Variants in NRXN3 observed in about 807,000 individuals in gnomAD.
The protein encoded by NRXN3 is neurexin 3.
In NRXN3, 32 loss-of-function variants were observed where a neutral mutation model predicts 137.6. That is an observed-to-expected ratio of 0.23 (90% CI 0.18 to 0.31). NRXN3 has a LOEUF of 0.31. Among genes scored for constraint, NRXN3 ranks in the 10% least tolerant of loss-of-function variants. NRXN3 has a pLI of 1.00. For missense variants in NRXN3, 1,574 were observed against 2,062.5 expected (o/e 0.76, Z 4.59); for synonymous variants, 798 against 784.5 (o/e 1.02, Z -0.29).
At chr14:78,369,099 A>G (rs1209858663) in intron 4 of NRXN3, among the ~76,000 whole-genome samples, 2 of 152,156 alleles carry the variant, frequency 1.3e-5, no homozygotes, top group Non-Finnish European at 2.9e-5. Flanking sequence ...ATGGGCATCT[A>G]AATTTATCTA....
intron 8 of NRXN3, among the ~76,000 whole-genome samples, chr14:78,774,488 A>G (rs1246296989): frequency 6.6e-6 from 1 of 152,168 alleles, no homozygotes; most frequent in Admixed American, 6.5e-5. Flanking sequence ...CATGCTACAA[A>G]TTTCTATTAT....
intron 10 of NRXN3, among the ~76,000 whole-genome samples, chr14:78,923,888 A>G (rs930986955): frequency 1.3e-5 from 2 of 152,188 alleles, no homozygotes; most frequent in Non-Finnish European, 2.9e-5. Context: ...TCTTCAACCC[A>G]TTGATAATCT....
At chr14:79,734,544 TTGTA>T (rs1254459849) in intron 19 of NRXN3, among the ~76,000 whole-genome samples, 13 of 152,350 alleles carry the variant, frequency 8.5e-5, no homozygotes, top group South Asian at 4.1e-4. Context: ...GTTTCAATAA[TTGTA>T]TATTATTTTG....
chr14:78,702,702 C>G (rs1029232626), intron 6 of NRXN3, among the ~76,000 whole-genome samples: 2 of 152,008 alleles, frequency 1.3e-5, no homozygotes, highest in Admixed American at 1.3e-4. Context: ...ACTTGGCCTC[C>G]CAAAGTTCTG....
intron 16 of NRXN3, among the ~76,000 whole-genome samples, chr14:79,524,023 C>A (rs1050846590): frequency 6.6e-6 from 1 of 152,170 alleles, no homozygotes; most frequent in African/African-American, 2.4e-5. Flanking sequence ...AGGAAGCATA[C>A]CCTGTTTAGC....
chr14:78,400,025 A>G (rs1445144188), intron 4 of NRXN3, among the ~76,000 whole-genome samples: 1 of 152,218 alleles, frequency 6.6e-6, no homozygotes, highest in Non-Finnish European at 1.5e-5. Flanking sequence ...AACAGAAAAT[A>G]AATAATTGAC....
At chr14:79,358,662 A>T (rs564292924) in intron 15 of NRXN3, among the ~76,000 whole-genome samples, 5 of 150,716 alleles carry the variant, frequency 3.3e-5, no homozygotes, top group African/African-American at 1.2e-4. Flanking sequence ...AGAAAGAAAG[A>T]AAGAAAGTGT....
chr14:78,817,298 G>A (rs912759323), intron 10 of NRXN3, among the ~76,000 whole-genome samples: 2 of 152,152 alleles, frequency 1.3e-5, no homozygotes, highest in African/African-American at 2.4e-5. Flanking sequence ...AAGGGAATGG[G>A]ATCTAGCACC....
intron 20 of NRXN3, among the ~76,000 whole-genome samples, chr14:79,836,516 G>GA (rs35253204): frequency 0.12 from 18,937 of 152,066 alleles, 1,416 homozygotes; most frequent in Middle Eastern, 0.22. Flanking sequence ...GTGGTGATCC[G>GA]AACTATGCTT....
At chr14:78,402,957 C>T (rs1482385483) in intron 4 of NRXN3, among the ~76,000 whole-genome samples, 1 of 152,112 alleles carries the variant, frequency 6.6e-6, no homozygotes, top group Non-Finnish European at 1.5e-5. Flanking sequence ...ACAACTGAGT[C>T]TATATTTGTT....
In NRXN3 at chr14:79,082,981, G is replaced by C. The variant is rs73322888; in HGVS notation, c.3262+94840G>C. On this transcript the variant is annotated intron_variant, in intron 15 of 20. Coordinates refer to ENST00000335750, the MANE Select transcript of NRXN3 (RefSeq NM_001330195.2). The stretch of plus-strand genomic sequence containing the variant: ...TTGCTACACTACACCATTGCCATTT[G>C]CATTCACAACACGGGATGGCGGAAG... Among the ~76,000 whole-genome samples, 1,221 of 152,254 alleles carry C rather than the reference G, an allele frequency of 8.0e-3. 12 individuals are homozygous for C. The highest frequency in any genetic ancestry group is 0.028 in the African/African-American group (1,144 of 41,546).
chr14:79,583,600 C>T (rs1567573503), intron 16 of NRXN3, among the ~76,000 whole-genome samples: 2 of 152,146 alleles, frequency 1.3e-5, no homozygotes, highest in African/African-American at 4.8e-5. Context: ...TCACTGTTCC[C>T]TTCTTTTCTA....
intron 8 of NRXN3, among the ~76,000 whole-genome samples, chr14:78,739,242 G>A (rs2098553815): frequency 6.6e-6 from 1 of 152,352 alleles, no homozygotes; most frequent in South Asian, 2.1e-4. Flanking sequence ...AAGCGAGGCA[G>A]CCCAGAGCTG....
intron 15 of NRXN3, among the ~76,000 whole-genome samples, chr14:79,154,987 T>A (rs543765522): frequency 6.6e-6 from 1 of 151,906 alleles, no homozygotes. Context: ...GGATCTCTTA[T>A]GAGTATACAG....
intron 15 of NRXN3, among the ~76,000 whole-genome samples, chr14:79,103,037 T>C (rs1316329227): frequency 6.6e-6 from 1 of 152,192 alleles, no homozygotes; most frequent in African/African-American, 2.4e-5. Flanking sequence ...ATGAGTAATT[T>C]GTTCAAGAAA....
intron 16 of NRXN3, among the ~76,000 whole-genome samples, chr14:79,644,418 A>G (rs2098445176): frequency 7.4e-6 from 1 of 135,860 alleles, no homozygotes; most frequent in African/African-American, 2.5e-5. Flanking sequence ...AGAGAACTGG[A>G]TAAAGAGATG....
chr14:78,236,190 AC>A (rs2066277541), intron 1 of NRXN3, among the ~76,000 whole-genome samples: 1 of 152,228 alleles, frequency 6.6e-6, no homozygotes, highest in Non-Finnish European at 1.5e-5. Flanking sequence ...TTGCATTTTC[AC>A]AAACTGAACA....
chr14:78,848,760 G>A (rs1399503643), intron 10 of NRXN3, among the ~76,000 whole-genome samples: 2 of 152,110 alleles, frequency 1.3e-5, no homozygotes, highest in African/African-American at 4.8e-5. Context: ...TAGTGAGAGG[G>A]AGCCAGCAAT....
chr14:78,384,560 T>C (rs1598062075), intron 4 of NRXN3, among the ~76,000 whole-genome samples: 1 of 152,200 alleles, frequency 6.6e-6, no homozygotes, highest in Non-Finnish European at 1.5e-5. Context: ...AAAATGAAGT[T>C]TTATTTAGAT....
Sources: allele counts gnomAD v4.1 joint callset (sites outside exome capture counted in the v4.1 genomes callset), GRCh38; gene constraint gnomAD v4.1.1; transcripts MANE v1.5; gene names NCBI Gene and HGNC (gene_info 2026-07-23, HGNC 2026-07-21).